The following AGMO variants were observed in gnomAD, a reference collection of about 807,000 sequenced individuals.
The protein encoded by AGMO is glyceryl-ether monooxygenase.
In AGMO, 75 loss-of-function variants were observed where a neutral mutation model predicts 60.2. The ratio of observed to expected loss-of-function variants is 1.25; its 90% CI spans 1.03 to 1.51. AGMO has a LOEUF of 1.51. Ranked by LOEUF, AGMO falls within the 40% of genes most tolerant of loss-of-function variation. The probability of loss-of-function intolerance (pLI) is 0.00; values close to 1 mark genes in which losing one functional copy is unlikely to be tolerated. For missense variants in AGMO, 763 were observed against 525.5 expected, an observed-to-expected ratio of 1.45 and a Z score of -4.42; for synonymous variants, 261 against 177.1, an observed-to-expected ratio of 1.47 and a Z score of -3.76.
At chr7:15,282,580 T>C (rs1436588000) in intron 12 of AGMO, among the ~76,000 whole-genome samples, 1 of 152,150 alleles carries the variant, frequency 6.6e-6, no homozygotes, top group Non-Finnish European at 1.5e-5. Flanking sequence ...TATGAAATTA[T>C]TTAAAATGGC....
intron 3 of AGMO, among the ~76,000 whole-genome samples, chr7:15,500,034 G>T (rs1472377756): frequency 1.3e-5 from 2 of 151,112 alleles, no homozygotes; most frequent in Non-Finnish European, 3.0e-5. Context: ...ACAAAACTAG[G>T]TATGAGTATA....
intron 3 of AGMO, among the ~76,000 whole-genome samples, chr7:15,459,599 T>TTGTGTGTGTGTGTTTGTGTGTGTGTG (rs1554274869): frequency 8.5e-4 from 121 of 142,236 alleles, no homozygotes; most frequent in Admixed American, 3.6e-3. Context: ...GTATGTGCGT[T>TTGTGTGTGTGTGTTTGTGTGTGTGTG]TGTGTGTGTG....
intron 4 of AGMO, among the ~76,000 whole-genome samples, chr7:15,426,546 G>A (rs1277125518): frequency 6.6e-6 from 1 of 152,114 alleles, no homozygotes; most frequent in South Asian, 2.1e-4. Flanking sequence ...GCCAGCAGTT[G>A]AAGTCCAGCC....
the AGMO span, among the ~76,000 whole-genome samples, chr7:15,121,425 T>A: frequency 1.3e-5 from 2 of 152,312 alleles, no homozygotes; most frequent in East Asian, 3.9e-4. Context: ...TGAACTAATT[T>A]ACACTCCCAC....
Position 15,388,032 on chromosome 7 carries a change from T to C in AGMO, c.823-492A>G, listed in dbSNP as rs552032113. Among the ~76,000 whole-genome samples, 21 of 151,946 alleles carry C rather than the reference T, an allele frequency of 1.4e-4. No homozygotes were observed. The East Asian group carries it at 1.9e-3, about 14-fold the overall frequency. ...AAGTGATTCTCCTGCCTCAGCCTCCTGAGTAGCTGGGATTACAGGTGCCTG... is the reference window on the plus strand; with the variant it reads ...AAGTGATTCTCCTGCCTCAGCCTCCCGAGTAGCTGGGATTACAGGTGCCTG... On this transcript the variant is annotated intron_variant, in intron 8 of 12. Coordinates refer to ENST00000342526, the MANE Select transcript of AGMO (RefSeq NM_001004320.2).
rs564214645 is a variant in AGMO, at chr7:15,226,255, C to T, written c.1264-24896G>A. Among the ~76,000 whole-genome samples the T allele has an allele frequency of 3.3e-5, 5 of 152,196 alleles. 1 individual carries two copies. In the South Asian group the frequency reaches 1.0e-3, roughly 32 times the overall value. On this transcript the variant is annotated intron_variant, in intron 12 of 12. Coordinates refer to ENST00000342526, the MANE Select transcript of AGMO (RefSeq NM_001004320.2). ...TGTATTTTAAATATCACTGAACTAG[C>T]TCCATATCTAAATCAGACCAATGCA...
the AGMO span, among the ~76,000 whole-genome samples, chr7:15,194,053 T>G: frequency 6.6e-6 from 1 of 152,218 alleles, no homozygotes; most frequent in Non-Finnish European, 1.5e-5. Context: ...AGAACACTGC[T>G]TTGTATTACT....
chr7:15,272,938 C>T (rs943397017), intron 12 of AGMO, among the ~76,000 whole-genome samples: 24 of 152,110 alleles, frequency 1.6e-4, no homozygotes, highest in African/African-American at 4.3e-4. Context: ...TGTCTTCTTT[C>T]GAGAAGTGTC....
intron 4 of AGMO, among the ~76,000 whole-genome samples, chr7:15,427,237 G>T (rs1457449551): frequency 6.6e-6 from 1 of 152,104 alleles, no homozygotes; most frequent in Non-Finnish European, 1.5e-5. Flanking sequence ...TAGTGGCTCT[G>T]AGTATAAGCA....
chr7:15,434,251 C>T (rs1057201898), intron 3 of AGMO, among the ~76,000 whole-genome samples: 5 of 152,092 alleles, frequency 3.3e-5, no homozygotes, highest in Non-Finnish European at 7.4e-5. Context: ...ATATGAATCA[C>T]TGAGGTCCAG....
intron 12 of AGMO, among the ~76,000 whole-genome samples, chr7:15,220,934 G>C (rs1261635601): frequency 6.6e-6 from 1 of 152,106 alleles, no homozygotes; most frequent in African/African-American, 2.4e-5. Flanking sequence ...GCTATTTTCT[G>C]TGATGATATT....
At chr7:15,530,270 A>G (rs1254564698) in intron 3 of AGMO, among the ~76,000 whole-genome samples, 2 of 29,340 alleles carry the variant, frequency 6.8e-5, no homozygotes, top group Admixed American at 1.3e-3. Flanking sequence ...GATATTCTAT[A>G]TACGTATTTC....
intron 12 of AGMO, among the ~76,000 whole-genome samples, chr7:15,250,977 T>C (rs1176846090): frequency 6.6e-6 from 1 of 151,952 alleles, no homozygotes; most frequent in Non-Finnish European, 1.5e-5. Flanking sequence ...TACCTGAATG[T>C]GTTAGCAGGA....
At chr7:15,158,590 G>C in the AGMO span, among the ~76,000 whole-genome samples, 1 of 152,148 alleles carries the variant, frequency 6.6e-6, no homozygotes, top group East Asian at 1.9e-4. Flanking sequence ...AAAGGAAATA[G>C]TTTCATGCCA....
chr7:15,195,263 A>C, the AGMO span, among the ~76,000 whole-genome samples: 5 of 152,178 alleles, frequency 3.3e-5, no homozygotes, highest in East Asian at 9.6e-4. Context: ...GGAAACACAA[A>C]AGAAGTGAGT....
chr7:15,128,214 T>G, the AGMO span, among the ~76,000 whole-genome samples: 1 of 151,990 alleles, frequency 6.6e-6, no homozygotes, highest in African/African-American at 2.4e-5. Flanking sequence ...CAAACGAGTG[T>G]GATAATAGAC....
the AGMO span, among the ~76,000 whole-genome samples, chr7:15,194,373 A>G: frequency 6.9e-6 from 1 of 144,562 alleles, no homozygotes; most frequent in Admixed American, 7.0e-5. Flanking sequence ...AATAAGTAAA[A>G]TTAAAAAAAA....
chr7:15,350,091 T>A (rs1368288782), intron 12 of AGMO, among the ~76,000 whole-genome samples: 2 of 152,308 alleles, frequency 1.3e-5, no homozygotes, highest in East Asian at 3.9e-4. Context: ...TTAAGTGGCT[T>A]TCCTCACAAT....
At chr7:15,141,477 T>C in the AGMO span, among the ~76,000 whole-genome samples, 1 of 152,032 alleles carries the variant, frequency 6.6e-6, no homozygotes. Flanking sequence ...CCCCAGCTAC[T>C]TGGGAGGCTG....
Sources: gnomAD v4.1 joint callset for allele counts (sites outside exome capture counted in the v4.1 genomes callset) on GRCh38, gnomAD v4.1.1 for gene constraint, MANE v1.5 for transcripts, NCBI Gene and HGNC (gene_info 2026-07-23, HGNC 2026-07-21) for gene names.